The following SIRT1 variants were observed in gnomAD, a reference collection of about 807,000 sequenced individuals.
SIRT1 encodes sirtuin 1.
A neutral mutation model predicts 67.9 loss-of-function variants in SIRT1; 24 were observed. The ratio of observed to expected loss-of-function variants is 0.35; its 90% CI spans 0.26 to 0.50. SIRT1 has a LOEUF of 0.50. Among genes scored for constraint, SIRT1 ranks in the 20% least tolerant of loss-of-function variants. The pLI, the probability that SIRT1 is intolerant of heterozygous loss-of-function variation, is 0.98. For missense variants in SIRT1, 873 were observed against 937.2 expected (o/e 0.93, Z 0.89); for synonymous variants, 378 against 350.7 (o/e 1.08, Z -0.87).
intron 7 of SIRT1, 103 bp downstream of exon 7, chr10:67,909,545 AG>A: frequency 1.1e-6 from 1 of 904,906 alleles, no homozygotes; most frequent in Non-Finnish European, 1.6e-6. Context: ...TCTGTTTGAA[AG>A]AGTGGTGAAG....
chr10:67,913,807 T>G (rs1326394221), intron 8 of SIRT1, among the ~76,000 whole-genome samples: 1 of 152,210 alleles, frequency 6.6e-6, no homozygotes, highest in Non-Finnish European at 1.5e-5. Flanking sequence ...TTACCATACT[T>G]GGCGAAAACT....
chr10:67,885,932 TGAA>T (rs1205548722), intron 1 of SIRT1, among the ~76,000 whole-genome samples: 12 of 150,274 alleles, frequency 8.0e-5, no homozygotes, highest in Admixed American at 6.0e-4. Flanking sequence ...GTCATGTTCT[TGAA>T]GGTTTCTTTT....
At position 67,916,780 on chromosome 10, in the gene SIRT1, TCAACA is replaced by T. The variant is rs1330910451; in HGVS notation, c.*189_*193del. ...TCATTATTTCTGTACTTGTACAAACTCAACACTAACTTTTTTTTTTTTAAAAAAAA... is the reference window on the plus strand; with the variant it reads ...TCATTATTTCTGTACTTGTACAAACTCTAACTTTTTTTTTTTTAAAAAAAA... On this transcript the variant is annotated 3_prime_UTR_variant, in exon 9 of 9. Coordinates refer to ENST00000212015, the MANE Select transcript of SIRT1 (RefSeq NM_012238.5). The T allele has an allele frequency of 5.3e-6, 2 of 377,814 alleles. No individual in the cohort carries two copies. Among genetic ancestry groups the T allele is most frequent in the Non-Finnish European group, 9.4e-6 (2 of 213,604 alleles). 23.4% of individuals were successfully genotyped at this position (377,814 alleles called of 1,614,324 possible). A position where few individuals can be genotyped will look rare whatever the true frequency, so the allele number is the denominator to read the frequency against.
chr10:67,915,613 A>G (rs2029886531), intron 8 of SIRT1, among the ~76,000 whole-genome samples: 1 of 152,222 alleles, frequency 6.6e-6, no homozygotes, highest in African/African-American at 2.4e-5. Context: ...CACAGTGTCT[A>G]CAGAGTACAC....
intron 4 of SIRT1, among the ~76,000 whole-genome samples, chr10:67,904,809 A>G (rs1842796899): frequency 6.6e-6 from 1 of 150,894 alleles, no homozygotes; most frequent in Non-Finnish European, 1.5e-5. Flanking sequence ...GCGCCATTGC[A>G]CTCCAGCCTG....
intron 1 of SIRT1, among the ~76,000 whole-genome samples, chr10:67,886,028 C>T (rs945246359): frequency 4.8e-5 from 7 of 146,770 alleles, no homozygotes; most frequent in African/African-American, 1.8e-4. Context: ...TCAGTGCAAC[C>T]TCCGCCTCCC....
At chr10:67,909,767 G>C (rs1842871083) in intron 7 of SIRT1, among the ~76,000 whole-genome samples, 2 of 151,956 alleles carry the variant, frequency 1.3e-5, no homozygotes, top group Admixed American at 1.3e-4. Flanking sequence ...TATAGACCGG[G>C]TTTCACCATG....
chr10:67,916,194 T>C, intron 8 of SIRT1, 71 bp from the exon 9 acceptor site: 1 of 1,353,774 alleles, frequency 7.4e-7, no homozygotes, highest in Admixed American at 2.1e-5. Context: ...GAACCCACAC[T>C]TCATTCCAGA....
chr10:67,907,602 G>A (rs34414573), intron 5 of SIRT1, among the ~76,000 whole-genome samples: 2,358 of 152,072 alleles, frequency 0.016, 26 homozygotes, highest in Non-Finnish European at 0.025. Context: ...GGATAGTTGA[G>A]ATGTACAGGA....
In SIRT1 at chr10:67,914,879, A is replaced by AT. The variant is rs11309410; in HGVS notation, c.1916-1366dup. On this transcript the variant is annotated intron_variant, in intron 8 of 8. Transcript: ENST00000212015. ...CAGGCGCATGCCCTCATGCTCAGCT[A>AT]TTTTTTTTTTTTTTTTTTTTAGTTT... 3.6e-4 allele frequency among the ~76,000 whole-genome samples: 43 copies of AT among 120,366 alleles called. No homozygotes were observed. The South Asian group carries it at 4.1e-3, about 11-fold the overall frequency. The allele number at this position is 120,366 out of a possible 152,430, so 79.0% of individuals were successfully genotyped here. A position where few individuals can be genotyped will look rare whatever the true frequency, so the allele number is the denominator to read the frequency against.
chr10:67,898,753 T>G (rs913344429), intron 4 of SIRT1, among the ~76,000 whole-genome samples: 17 of 152,140 alleles, frequency 1.1e-4, no homozygotes, highest in Admixed American at 1.1e-3. Flanking sequence ...GGAGGATTGC[T>G]TGAACCAAAG....
chr10:67,901,827 C>G (rs374120696), intron 4 of SIRT1, among the ~76,000 whole-genome samples: 10 of 152,294 alleles, frequency 6.6e-5, no homozygotes, highest in African/African-American at 2.4e-4. Flanking sequence ...TTACTTAAAT[C>G]AACAAATAAA....
chr10:67,888,959 A>G lies in SIRT1; in HGVS notation c.625A>G (p.Thr209Ala), dbSNP rs1387726935. The G allele has an allele frequency of 1.2e-6, 2 of 1,613,792 alleles. No individual in the cohort carries two copies. The highest frequency in any genetic ancestry group is 1.7e-6 in the Non-Finnish European group (2 of 1,179,842). The change falls in exon 3 of 9, where the codon ACA becomes GCA. Residue 209 changes from threonine to alanine, a missense_variant. By Grantham distance (58) the Thr-to-Ala change is moderately conservative (BLOSUM62 0). This residue lies in a region of SIRT1 where 251 missense variants were observed against 358.8 expected (regional missense o/e 0.70). Coordinates refer to ENST00000212015, the MANE Select transcript of SIRT1 (RefSeq NM_012238.5). ...AATTCTTAAAGATTTATTGCCGGAAACAATACCTCCACCTGAGTTGGATGA... is the reference window on the plus strand; with the variant it reads ...AATTCTTAAAGATTTATTGCCGGAAGCAATACCTCCACCTGAGTTGGATGA... ...RTILKDLLPETIPPPELDDMT... is the reference protein window; with the variant it reads ...RTILKDLLPEAIPPPELDDMT...
At position 67,885,155 on chromosome 10, in the gene SIRT1, C is replaced by T. The variant is rs901476298; in HGVS notation, c.430+4C>T. ...GCGGCGGCGATTGGGTACCGAGGTG[C>T]GCAGGGTGCGGGCGGCCGGAACTGC... On this transcript the variant is annotated splice_donor_region_variant and intron_variant, in intron 1 of 8. Coordinates refer to ENST00000212015, the MANE Select transcript of SIRT1 (RefSeq NM_012238.5). 2.4e-5 allele frequency: 34 copies of T among 1,390,988 alleles called. No individual in the cohort carries two copies. The highest frequency in any genetic ancestry group is 1.9e-4 in the Middle Eastern group (1 of 5,306). The allele number at this position is 1,390,988 out of a possible 1,614,324, so 86.2% of individuals were successfully genotyped here.
chr10:67,900,649 G>GCC (rs1385653708), intron 4 of SIRT1, among the ~76,000 whole-genome samples: 1 of 151,718 alleles, frequency 6.6e-6, no homozygotes. Context: ...TTGCTATGTT[G>GCC]CCCAGGCTGG....
At chr10:67,897,687 G>A (rs900561786) in intron 4 of SIRT1, among the ~76,000 whole-genome samples, 4 of 151,748 alleles carry the variant, frequency 2.6e-5, no homozygotes, top group African/African-American at 9.7e-5. Flanking sequence ...TAGTAGAGAT[G>A]GGGTTTCATC....
At chr10:67,911,398 G>A (rs146375487) in intron 7 of SIRT1, among the ~76,000 whole-genome samples, 4 of 151,990 alleles carry the variant, frequency 2.6e-5, no homozygotes, top group Admixed American at 6.6e-5. Flanking sequence ...TCACTTTGTT[G>A]CCCAGGCTGG....
intron 4 of SIRT1, among the ~76,000 whole-genome samples, chr10:67,894,920 C>T (rs978444943): frequency 6.6e-6 from 1 of 152,056 alleles, no homozygotes; most frequent in African/African-American, 2.4e-5. Flanking sequence ...GGACGTGTCT[C>T]GTCGTGACCT....
intron 2 of SIRT1, 100 bp from the exon 3 acceptor site, chr10:67,888,782 C>A: frequency 4.4e-6 from 6 of 1,373,384 alleles, no homozygotes; most frequent in Non-Finnish European, 5.9e-6. Flanking sequence ...TCTTACTTTG[C>A]AAAAAACCCT....
Sources: gnomAD v4.1 joint callset for allele counts (sites outside exome capture counted in the v4.1 genomes callset) on GRCh38, gnomAD v4.1.1 for gene constraint, gnomAD v4.1.1 regional missense constraint, MANE v1.5 for transcripts, NCBI Gene and HGNC (gene_info 2026-07-23, HGNC 2026-07-21) for gene names.